Variants in FARS2 observed in about 807,000 individuals in gnomAD.
FARS2 encodes phenylalanyl-tRNA synthetase 2, mitochondrial, also known as phenylalanine--tRNA ligase, mitochondrial.
A neutral mutation model predicts 46.4 loss-of-function variants in FARS2; 40 were observed. The ratio of observed to expected loss-of-function variants is 0.86; its 90% confidence interval spans 0.67 to 1.12. FARS2 has a LOEUF of 1.12. Among genes scored for constraint, FARS2 ranks in the 50% most tolerant of loss-of-function variants. FARS2 has a pLI of 0.00. For missense variants in FARS2, 513 were observed against 567.9 expected, an observed-to-expected ratio of 0.90 and a Z score of 0.98; for synonymous variants, 234 against 214.9, an observed-to-expected ratio of 1.09 and a Z score of -0.78.
At chr6:5,670,733 A>AT (rs561156448) in intron 6 of FARS2, among the ~76,000 whole-genome samples, 66 of 150,252 alleles carry the variant, frequency 4.4e-4, no homozygotes, top group South Asian at 1.3e-3. Flanking sequence ...GCCCAGTTAC[A>AT]TTTTTTTTTT....
chr6:5,588,256 TGG>T (rs1773725644), intron 5 of FARS2, among the ~76,000 whole-genome samples: 2 of 31,904 alleles, frequency 6.3e-5, no homozygotes, highest in Admixed American at 5.3e-4. Context: ...GCGGGGGAAG[TGG>T]TGTGGGCGTG....
At chr6:5,461,043 C>CTTTT (rs749504920) in intron 4 of FARS2, among the ~76,000 whole-genome samples, 1 of 141,440 alleles carries the variant, frequency 7.1e-6, no homozygotes, top group African/African-American at 2.6e-5. Flanking sequence ...ATTTTAAAGT[C>CTTTT]TTTTTTTTTT....
In FARS2 at chr6:5,562,695, T is replaced by TACACACACACACACACAC. The variant is rs35980009; in HGVS notation, c.1065+17371_1065+17388dup. Among the ~76,000 whole-genome samples, 434 of 135,748 alleles carry TACACACACACACACACAC rather than the reference T, an allele frequency of 3.2e-3. 3 individuals are homozygous for TACACACACACACACACAC. Among genetic ancestry groups the TACACACACACACACACAC allele is most frequent in the South Asian group, 7.6e-3 (33 of 4,366 alleles). The allele number at this position is 135,748 out of a possible 152,430, so 89.1% of individuals were successfully genotyped here. ...ACAACCTTGACTCCACTGTAATTTA[T>TACACACACACACACACAC]ACACACACACACACACACACACACA... On this transcript the variant is annotated intron_variant, in intron 5 of 6. Transcript: ENST00000274680.
At chr6:5,545,115 G>A in intron 4 of FARS2, 65 bp from the exon 5 acceptor site, 2 of 1,474,916 alleles carry the variant, frequency 1.4e-6, no homozygotes, top group Non-Finnish European at 9.4e-7. Flanking sequence ...AACTGTCAGG[G>A]AGTGGTATGA....
At position 5,583,793 on chromosome 6, in the gene FARS2, G is replaced by A. The variant is rs138957281; in HGVS notation, c.1066-29376G>A. ...AAACCCAGGCAGTCTGGTTCATATC[G>A]TTCCTGAATGTGATAACCCTGCAGT... is the stretch of plus-strand genomic sequence containing the variant. On this transcript the variant is annotated intron_variant, in intron 5 of 6. Coordinates refer to ENST00000274680, the MANE Select transcript of FARS2 (RefSeq NM_006567.5). Among the ~76,000 whole-genome samples, 277 of 152,276 alleles carry A rather than the reference G, an allele frequency of 1.8e-3. 2 individuals are homozygous for A. Among genetic ancestry groups the A allele is most frequent in the African/African-American group, 6.5e-3 (269 of 41,554 alleles).
chr6:5,609,672 G>A, intron 5 of FARS2: 1 of 1,256,552 alleles, frequency 8.0e-7, no homozygotes, highest in Non-Finnish European at 1.1e-6. Flanking sequence ...TCACAGTTGT[G>A]GCCATTCACA....
At chr6:5,365,846 G>A (rs1758642398) in intron 1 of FARS2, among the ~76,000 whole-genome samples, 1 of 152,108 alleles carries the variant, frequency 6.6e-6, no homozygotes, top group South Asian at 2.1e-4. Context: ...CTAGAGAAAA[G>A]AAAATGTTAT....
chr6:5,679,507 AC>A (rs1778924680), intron 6 of FARS2, among the ~76,000 whole-genome samples: 6 of 151,532 alleles, frequency 4.0e-5, no homozygotes, highest in Admixed American at 3.9e-4. Flanking sequence ...CTCCTCCATC[AC>A]CCCTCTGTCA....
At chr6:5,518,635 C>T (rs1582333530) in intron 4 of FARS2, among the ~76,000 whole-genome samples, 1 of 152,162 alleles carries the variant, frequency 6.6e-6, no homozygotes, top group East Asian at 1.9e-4. Context: ...TATTTAAAAA[C>T]CCATCATTGA....
intron 6 of FARS2, among the ~76,000 whole-genome samples, chr6:5,728,834 C>T (rs1043930561): frequency 6.6e-6 from 1 of 152,206 alleles, no homozygotes; most frequent in East Asian, 1.9e-4. Flanking sequence ...TCAGCCACTG[C>T]GCTGGCCTCC....
At chr6:5,659,832 G>C (rs13211136) in intron 6 of FARS2, among the ~76,000 whole-genome samples, 1 of 152,242 alleles carries the variant, frequency 6.6e-6, no homozygotes, top group Non-Finnish European at 1.5e-5. Flanking sequence ...GGCAGACACA[G>C]TTTCATCCTG....
chr6:5,691,459 G>C (rs1757710219), intron 6 of FARS2, among the ~76,000 whole-genome samples: 1 of 152,192 alleles, frequency 6.6e-6, no homozygotes, highest in Non-Finnish European at 1.5e-5. Flanking sequence ...GTCCACTCCA[G>C]ACCGTGTTTG....
At chr6:5,532,780 T>TAAGAAGAAGAAGAAG (rs1441043690) in intron 4 of FARS2, among the ~76,000 whole-genome samples, 33 of 146,520 alleles carry the variant, frequency 2.3e-4, no homozygotes, top group African/African-American at 8.8e-4. Context: ...ATAATAATAA[T>TAAGAAGAAGAAGAAG]AATAAGAAGA....
At chr6:5,387,941 AG>A (rs1235364884) in intron 2 of FARS2, among the ~76,000 whole-genome samples, 5 of 152,236 alleles carry the variant, frequency 3.3e-5, no homozygotes, top group African/African-American at 1.2e-4. Flanking sequence ...AAAATTGCAA[AG>A]AAAGTACAGA....
intron 6 of FARS2, among the ~76,000 whole-genome samples, chr6:5,741,030 C>T (rs535739305): frequency 7.2e-5 from 11 of 152,308 alleles, no homozygotes; most frequent in East Asian, 3.9e-4. Context: ...ACACAGACTG[C>T]GGCAGGGTCC....
intron 6 of FARS2, among the ~76,000 whole-genome samples, chr6:5,728,259 A>AT (rs1421860970): frequency 6.6e-6 from 1 of 151,996 alleles, no homozygotes; most frequent in Non-Finnish European, 1.5e-5. Flanking sequence ...AAATAGCCTA[A>AT]TAGCTGGGAA....
chr6:5,364,123 C>A (rs754724635), intron 1 of FARS2, among the ~76,000 whole-genome samples: 1 of 152,110 alleles, frequency 6.6e-6, no homozygotes, highest in Non-Finnish European at 1.5e-5. Context: ...ATCCGTTACC[C>A]GATCTCTAGA....
At chr6:5,303,453 G>A (rs997701199) in intron 1 of FARS2, among the ~76,000 whole-genome samples, 5 of 152,070 alleles carry the variant, frequency 3.3e-5, no homozygotes, top group African/African-American at 1.2e-4. Context: ...CCATCTGCTG[G>A]TTGAGGCTTG....
chr6:5,712,057 A>G (rs1211132440), intron 6 of FARS2, among the ~76,000 whole-genome samples: 1 of 152,224 alleles, frequency 6.6e-6, no homozygotes, highest in Non-Finnish European at 1.5e-5. Flanking sequence ...TTAATTACAT[A>G]ATTAAAACAA....
Sources: allele counts gnomAD v4.1 joint callset (sites outside exome capture counted in the v4.1 genomes callset), GRCh38; gene constraint gnomAD v4.1.1; transcripts MANE v1.5; gene names NCBI Gene and HGNC (gene_info 2026-07-23, HGNC 2026-07-21).